SEL1L3: variants seen among roughly 807,000 people sequenced by gnomAD.
SEL1L3 encodes SEL1L family member 3, also known as protein sel-1 homolog 3.
In SEL1L3, 76 loss-of-function variants were observed where a neutral mutation model predicts 142.8. The observed-to-expected ratio is 0.53, with a 90% CI of 0.44 to 0.64. SEL1L3 has a LOEUF of 0.64. Among genes scored for constraint, SEL1L3 ranks in the 30% least tolerant of loss-of-function variants. The probability of loss-of-function intolerance (pLI) is 0.00; values close to 1 mark genes in which losing one functional copy is unlikely to be tolerated. For synonymous variants in SEL1L3, 504 were observed against 519.6 expected, an observed-to-expected ratio of 0.97 and a Z score of 0.41; for missense variants, 1,262 against 1,381.7, an observed-to-expected ratio of 0.91 and a Z score of 1.37.
At chr4:25,796,894 A>G (rs1712799598) in intron 11 of SEL1L3, among the ~76,000 whole-genome samples, 1 of 151,838 alleles carries the variant, frequency 6.6e-6, no homozygotes, top group Non-Finnish European at 1.5e-5. Context: ...GAAAGGTAAG[A>G]TCTGGGACAG....
intron 5 of SEL1L3, among the ~76,000 whole-genome samples, chr4:25,832,578 C>T (rs1245302159): frequency 1.3e-5 from 2 of 152,120 alleles, no homozygotes; most frequent in Non-Finnish European, 2.9e-5. Context: ...CAAAAGCAGT[C>T]AAATCATTTC....
intron 9 of SEL1L3, among the ~76,000 whole-genome samples, chr4:25,813,977 A>G (rs917999934): frequency 1.3e-5 from 2 of 152,180 alleles, no homozygotes; most frequent in Non-Finnish European, 2.9e-5. Context: ...TAGTGAGCAG[A>G]TGATCCACCT....
intron 9 of SEL1L3, among the ~76,000 whole-genome samples, chr4:25,816,394 C>T (rs1052094413): frequency 2.0e-5 from 3 of 152,072 alleles, no homozygotes; most frequent in South Asian, 2.1e-4. Context: ...CCAGAGGCTA[C>T]GCCACTCATT....
At chr4:25,736,925 T>G in the SEL1L3 span, among the ~76,000 whole-genome samples, 1 of 152,188 alleles carries the variant, frequency 6.6e-6, no homozygotes, top group African/African-American at 2.4e-5. Context: ...TAATAGCCAC[T>G]GAAGCTTTCT....
chr4:25,811,985 G>A lies in SEL1L3; in HGVS notation c.1564+6153C>T, dbSNP rs150831347. 4.9e-4 allele frequency among the ~76,000 whole-genome samples: 75 copies of A among 152,282 alleles called. 1 individual carries two copies. Among genetic ancestry groups the A allele is most frequent in the African/African-American group, 1.7e-3 (70 of 41,552 alleles). On this transcript the variant is annotated intron_variant, in intron 9 of 23. Transcript: ENST00000399878. Reference sequence around the variant, plus strand: ...AATAGAGCTCATCTTACTCTGCCTTGAGTTACACCATTCGATCCTACATGT... The same window carrying A: ...AATAGAGCTCATCTTACTCTGCCTTAAGTTACACCATTCGATCCTACATGT...
intron 7 of SEL1L3, 142 bp downstream of exon 7, chr4:25,821,854 G>A (rs1289883034): frequency 1.2e-6 from 1 of 830,664 alleles, no homozygotes. Context: ...TGGGGGAAAA[G>A]CCTCAATATT....
chr4:25,820,011 GT>G (rs1714648576), intron 7 of SEL1L3, 71 bp from the exon 8 acceptor site: 2 of 1,457,514 alleles, frequency 1.4e-6, no homozygotes, highest in Middle Eastern at 1.8e-4. Context: ...AGGAGGATGT[GT>G]TTGGGTTGAC....
chr4:25,746,505 T>TAA (rs1393009774), downstream of SEL1L3, among the ~76,000 whole-genome samples: 2 of 110,218 alleles, frequency 1.8e-5, no homozygotes, highest in Non-Finnish European at 1.9e-5. Context: ...CAATATTATC[T>TAA]AAATATATAT....
chr4:25,755,847 G>T, intron 23 of SEL1L3: 1 of 978,794 alleles, frequency 1.0e-6, no homozygotes, highest in Non-Finnish European at 1.2e-6. Context: ...TTTCTACAGA[G>T]TAAAAATGAC....
At chr4:25,852,509 C>G (rs556398680) in intron 1 of SEL1L3, among the ~76,000 whole-genome samples, 103 of 152,332 alleles carry the variant, frequency 6.8e-4, no homozygotes, top group African/African-American at 2.2e-3. Flanking sequence ...AGTGTTAAGT[C>G]CACAACAGAG....
intron 17 of SEL1L3, 98 bp from the exon 18 acceptor site, chr4:25,767,928 GTTTT>G: frequency 1.3e-6 from 1 of 741,332 alleles, no homozygotes; most frequent in Non-Finnish European, 2.2e-6. Flanking sequence ...AAAATAAGCA[GTTTT>G]TTTAAAAAAA....
At chr4:25,829,136 C>T (rs1715277872) in intron 6 of SEL1L3, among the ~76,000 whole-genome samples, 1 of 152,050 alleles carries the variant, frequency 6.6e-6, no homozygotes, top group African/African-American at 2.4e-5. Flanking sequence ...CCACGCTAGG[C>T]TTATTTTTGT....
intron 17 of SEL1L3, among the ~76,000 whole-genome samples, chr4:25,768,038 G>T (rs1462239717): frequency 6.6e-6 from 1 of 152,088 alleles, no homozygotes; most frequent in Non-Finnish European, 1.5e-5. Flanking sequence ...CACAGACAAG[G>T]CTGGGGAGCT....
chr4:25,829,773 T>C (rs750308014), intron 6 of SEL1L3, among the ~76,000 whole-genome samples: 44 of 152,338 alleles, frequency 2.9e-4, no homozygotes, highest in Non-Finnish European at 3.7e-4. Context: ...ACTAATACTT[T>C]GATTTATTTT....
Position 25,819,791 on chromosome 4 carries a change from T to C in SEL1L3, c.1423+17A>G. On this transcript the variant is annotated intron_variant, in intron 8 of 23. Coordinates refer to ENST00000399878, the MANE Select transcript of SEL1L3 (RefSeq NM_015187.5). The stretch of plus-strand genomic sequence containing the variant: ...TGCACAGAGCTTAAAACAGCTCCCC[T>C]GAAGCTCAACACTTACATGCTTCTT... 6.2e-7 allele frequency: 1 copy of C among 1,604,888 alleles called. No individual in the cohort carries two copies. The highest frequency in any genetic ancestry group is 8.5e-7 in the Non-Finnish European group (1 of 1,175,980).
Position 25,822,071 on chromosome 4 carries a change from G to A in SEL1L3, c.1215C>T (p.Ser405=). ...DTAGYFIIGG[S]RYVAGIEGFF... The stretch of plus-strand genomic sequence containing the variant: ...ACCCTTCAATGCCAGCCACATACCT[G>A]CTCCCTCCAATAATGAAGTACCCAG... The change falls in exon 7 of 24, where the codon AGC becomes AGT. Residue 405 remains serine (S), a synonymous_variant. Coordinates refer to ENST00000399878, the MANE Select transcript of SEL1L3 (RefSeq NM_015187.5). 1 of 1,613,854 alleles carries A rather than the reference G, an allele frequency of 6.2e-7. No individual in the cohort carries two copies. Among genetic ancestry groups the A allele is most frequent in the South Asian group, 1.1e-5 (1 of 91,078 alleles).
At chr4:25,825,387 A>T (rs1482169039) in intron 6 of SEL1L3, among the ~76,000 whole-genome samples, 1 of 152,226 alleles carries the variant, frequency 6.6e-6, no homozygotes, top group African/African-American at 2.4e-5. Context: ...AGACTCTTCC[A>T]AAGCCCAAGC....
the SEL1L3 span, among the ~76,000 whole-genome samples, chr4:25,734,405 A>G: frequency 6.6e-6 from 1 of 152,122 alleles, no homozygotes; most frequent in Non-Finnish European, 1.5e-5. Context: ...ATCTGCGTCT[A>G]TTGAGATGAA....
At chr4:25,842,177 A>T (rs1716209017) in intron 2 of SEL1L3, among the ~76,000 whole-genome samples, 1 of 152,012 alleles carries the variant, frequency 6.6e-6, no homozygotes, top group African/African-American at 2.4e-5. Context: ...GATACGTGTC[A>T]TAGGAGCAGT....
Sources: gnomAD v4.1 joint callset for allele counts (sites outside exome capture counted in the v4.1 genomes callset) on GRCh38, gnomAD v4.1.1 for gene constraint, MANE v1.5 for transcripts, NCBI Gene and HGNC (gene_info 2026-07-23, HGNC 2026-07-21) for gene names.